Variants in TRPM1 observed in about 807,000 individuals in gnomAD.
TRPM1 encodes the protein TRPM1-203 APA Isoform, Intron 10.
In TRPM1, 113 loss-of-function variants were observed where a neutral mutation model predicts 149.4. The observed-to-expected ratio is 0.76, with a 90% confidence interval of 0.65 to 0.88. The LOEUF (loss-of-function observed/expected upper bound fraction) is 0.88. TRPM1 is among the 40% of genes least tolerant of loss of function. The pLI, the probability that TRPM1 is intolerant of heterozygous loss-of-function variation, is 0.00. For missense variants in TRPM1, 1,976 were observed against 2,038.7 expected (o/e 0.97, Z 0.59); for synonymous variants, 741 against 759.5 (o/e 0.98, Z 0.40).
chr15:31,127,198 G>C (rs2035962043), intron 1 of TRPM1, among the ~76,000 whole-genome samples: 1 of 152,140 alleles, frequency 6.6e-6, no homozygotes. Flanking sequence ...GTGGAGAAGA[G>C]GCCATTGCAA....
chr15:31,158,730 A>G (rs1042634124), intron 1 of TRPM1, among the ~76,000 whole-genome samples: 1 of 151,836 alleles, frequency 6.6e-6, no homozygotes, highest in African/African-American at 2.4e-5. Flanking sequence ...GAACACGTCC[A>G]CCCTAGGTGT....
intron 27 of TRPM1, among the ~76,000 whole-genome samples, chr15:31,019,990 GCTTTTT>G (rs10552244): frequency 0.063 from 9,626 of 152,224 alleles, 347 homozygotes; most frequent in South Asian, 0.12. Flanking sequence ...CTTTCTTCTG[GCTTTTT>G]CATTCTCTGT....
intron 2 of TRPM1, among the ~76,000 whole-genome samples, chr15:31,079,075 A>T (rs1301650427): frequency 6.6e-6 from 1 of 152,210 alleles, no homozygotes; most frequent in Non-Finnish European, 1.5e-5. Flanking sequence ...CTGAGCTAAA[A>T]TTAAAGTTAT....
chr15:31,008,335 C>T (rs2141108284), intron 27 of TRPM1, among the ~76,000 whole-genome samples: 1 of 152,276 alleles, frequency 6.6e-6, no homozygotes, highest in South Asian at 2.1e-4. Context: ...TGCCATTTGT[C>T]AGATTAAGGA....
intron 27 of TRPM1, among the ~76,000 whole-genome samples, chr15:31,014,092 C>T (rs544604622): frequency 6.6e-6 from 1 of 151,768 alleles, no homozygotes; most frequent in South Asian, 2.3e-4. Context: ...CAGCCCTATG[C>T]ATGCACATAG....
At chr15:31,145,018 G>A (rs182365295) in intron 1 of TRPM1, among the ~76,000 whole-genome samples, 19 of 152,096 alleles carry the variant, frequency 1.2e-4, no homozygotes, top group African/African-American at 3.9e-4. Context: ...ACCCAGCCCC[G>A]GCCTTGTTTT....
chr15:31,073,673 C>A (rs1161759801), intron 3 of TRPM1, among the ~76,000 whole-genome samples: 1 of 151,964 alleles, frequency 6.6e-6, no homozygotes, highest in South Asian at 2.1e-4. Context: ...TTCTCTCTTT[C>A]CAATCTCAAT....
chr15:31,088,803 G>GA (rs1555427566), intron 1 of TRPM1, among the ~76,000 whole-genome samples: 1 of 129,126 alleles, frequency 7.7e-6, no homozygotes, highest in African/African-American at 4.6e-5. Flanking sequence ...TCTTTCTGCT[G>GA]GGGGGATGCG....
rs1370493233 is a variant in TRPM1 at position 31,070,041 on chromosome 15, T to C, written c.269A>G (p.Asn90Ser). Residue 90 changes from asparagine to serine, a missense_variant, in exon 4 of 28, where the codon AAT becomes AGT. By Grantham distance (46) the Asn-to-Ser change is conservative (BLOSUM62 1). Coordinates refer to ENST00000256552, the MANE Select transcript of TRPM1 (RefSeq NM_001252024.2). ...VLEFQGGGYS[N>S]KAMYIRVSYD... ...GAATGCCTTTCTCACCATGGCTTTA[T>C]TGGAATATCCGCCACCCTGGAATTC... 1 of 1,614,096 alleles carries C rather than the reference T, an allele frequency of 6.2e-7. No homozygotes were observed. Among genetic ancestry groups the C allele is most frequent in the African/African-American group, 1.3e-5 (1 of 74,928 alleles).
At chr15:31,017,086 C>A (rs567875499) in intron 27 of TRPM1, among the ~76,000 whole-genome samples, 3 of 152,230 alleles carry the variant, frequency 2.0e-5, no homozygotes, top group East Asian at 3.9e-4. Context: ...GGGCAGATCA[C>A]CTGAGGTCAG....
chr15:31,102,530 A>T (rs1428895025), upstream of TRPM1, among the ~76,000 whole-genome samples: 1 of 152,132 alleles, frequency 6.6e-6, no homozygotes, highest in African/African-American at 2.4e-5. Context: ...CATTTTACAG[A>T]TGAGGACTCT....
intron 1 of TRPM1, among the ~76,000 whole-genome samples, chr15:31,088,860 G>A (rs1258021647): frequency 1.2e-5 from 1 of 86,234 alleles, no homozygotes; most frequent in Non-Finnish European, 2.4e-5. Context: ...CCCTGCTGCG[G>A]GTATTGACAT....
chr15:31,088,836 G>A (rs1005475580), intron 1 of TRPM1, among the ~76,000 whole-genome samples: 1 of 150,622 alleles, frequency 6.6e-6, no homozygotes, highest in African/African-American at 2.4e-5. Context: ...TTTGTACCGG[G>A]GCGATGCGAT....
rs1319452101 is a variant in TRPM1, at chr15:31,042,095, T to C, written c.1943A>G (p.Lys648Arg). 6 of 1,614,256 alleles carry C rather than the reference T, an allele frequency of 3.7e-6. No individual in the cohort carries two copies. In the South Asian group the frequency reaches 6.6e-5, roughly 18 times the overall value. The change falls in exon 17 of 28, where the codon AAA (lysine) becomes AGA (arginine). Residue 648 changes from lysine to arginine, a missense_variant. Transcript: ENST00000256552. ...TCGCTGCCAGAGGAACACTGCCATTTTCTGGCGTTTCATCAGCACTGCCCA... is the reference window on the plus strand; with the variant it reads ...TCGCTGCCAGAGGAACACTGCCATTCTCTGGCGTTTCATCAGCACTGCCCA... ...MVWAVLMKRQKMAVFLWQRGE... is the reference protein window; with the variant it reads ...MVWAVLMKRQRMAVFLWQRGE...
chr15:31,033,872 G>C (rs940133943), intron 21 of TRPM1, among the ~76,000 whole-genome samples: 5 of 152,142 alleles, frequency 3.3e-5, no homozygotes, highest in African/African-American at 1.2e-4. Context: ...TTTGAATGAG[G>C]CCCAGCTAGA....
At chr15:31,075,502 G>A (rs1567036614) in intron 3 of TRPM1, among the ~76,000 whole-genome samples, 1 of 152,134 alleles carries the variant, frequency 6.6e-6, no homozygotes, top group Non-Finnish European at 1.5e-5. Context: ...ACTTTCTGTG[G>A]TTGCTGCTTA....
chr15:31,100,629 C>T (rs1203268242), intron 1 of TRPM1, among the ~76,000 whole-genome samples: 3 of 152,134 alleles, frequency 2.0e-5, no homozygotes, highest in Non-Finnish European at 4.4e-5. Context: ...AAACACCACC[C>T]ATAAGGCCTC....
intron 1 of TRPM1, among the ~76,000 whole-genome samples, chr15:31,081,977 C>G (rs1211189157): frequency 6.6e-6 from 1 of 152,136 alleles, no homozygotes; most frequent in Non-Finnish European, 1.5e-5. Context: ...AACTTTCCTC[C>G]TTCCCCTCCT....
At chr15:31,047,742 A>G in intron 14 of TRPM1, 147 bp downstream of exon 14, 1 of 752,840 alleles carries the variant, frequency 1.3e-6, no homozygotes, top group Non-Finnish European at 2.4e-6. Context: ...TTGCTTTCTT[A>G]GTTTTAAATA....
Sources: allele counts gnomAD v4.1 joint callset (sites outside exome capture counted in the v4.1 genomes callset), GRCh38; gene constraint gnomAD v4.1.1; transcripts MANE v1.5; gene names NCBI Gene and HGNC (gene_info 2026-07-23, HGNC 2026-07-21).